Variants in KIRREL3 observed in about 807,000 individuals in gnomAD.
The protein encoded by KIRREL3 is kirre like nephrin family adhesion molecule 3, also known as kin of IRRE-like protein 3.
KIRREL3 carries 36 observed loss-of-function variants against 89.7 expected under a neutral mutation model. The ratio of observed to expected loss-of-function variants is 0.40; its 90% CI spans 0.31 to 0.53. The LOEUF (loss-of-function observed/expected upper bound fraction) is 0.53. KIRREL3 is among the 20% of genes least tolerant of loss of function. The pLI, the probability that KIRREL3 is intolerant of heterozygous loss-of-function variation, is 0.49. For missense variants in KIRREL3, 864 were observed against 1,056.6 expected (o/e 0.82, Z 2.53); for synonymous variants, 445 against 441.4 (o/e 1.01, Z -0.10).
In KIRREL3 at chr11:126,696,909, T is replaced by C. The variant is rs1947121081; in HGVS notation, c.56-133997A>G. Among the ~76,000 whole-genome samples the C allele has an allele frequency of 6.6e-6, 1 of 152,140 alleles. No homozygotes were observed. The highest frequency in any genetic ancestry group is 2.1e-4 in the South Asian group (1 of 4,824). Reference sequence around the variant, plus strand: ...ATTATCTTCCCTTTCTGAGTCTCAGTTTCTTCATCTGTATTAATGGAGATG... The same window carrying C: ...ATTATCTTCCCTTTCTGAGTCTCAGCTTCTTCATCTGTATTAATGGAGATG... On this transcript the variant is annotated intron_variant, in intron 1 of 16. Transcript: ENST00000525144. The surrounding 1 kb of genome is among the most constrained non-coding windows in gnomAD (Gnocchi z 4.4).
intron 1 of KIRREL3, among the ~76,000 whole-genome samples, chr11:126,881,482 A>C (rs1945493007): frequency 6.6e-6 from 1 of 152,232 alleles, no homozygotes; most frequent in Non-Finnish European, 1.5e-5. Context: ...AGGAAGTCCC[A>C]GCCTAGATCT....
chr11:126,779,634 C>G (rs1208630593), intron 1 of KIRREL3, among the ~76,000 whole-genome samples: 1 of 152,102 alleles, frequency 6.6e-6, no homozygotes, highest in Non-Finnish European at 1.5e-5. Flanking sequence ...AGTCTCAACA[C>G]CTGGCGTCAA....
rs1440311103 is a variant in KIRREL3, at chr11:126,999,374, G to T, written c.55+1081C>A. Among the ~76,000 whole-genome samples the T allele has an allele frequency of 1.3e-5, 2 of 152,232 alleles. No individual in the cohort carries two copies. The highest frequency in any genetic ancestry group is 2.9e-5 in the Non-Finnish European group (2 of 68,040). On this transcript the variant is annotated intron_variant, in intron 1 of 16. Transcript: ENST00000525144. The surrounding 1 kb of genome is among the most constrained non-coding windows in gnomAD (Gnocchi z 5.7). ...TATTTGGCTTCTCCCCGACAGGGGA[G>T]AAACAGAAGACATGCTGTTTGCTTG...
At chr11:126,926,172 A>G (rs1403616333) in intron 1 of KIRREL3, among the ~76,000 whole-genome samples, 1 of 152,206 alleles carries the variant, frequency 6.6e-6, no homozygotes, top group African/African-American at 2.4e-5. Flanking sequence ...GCCTGGCAAC[A>G]AAGGACAGGT....
Position 126,778,139 on chromosome 11 carries a change from T to C in KIRREL3, c.56-215227A>G, listed in dbSNP as rs1950222994. Among the ~76,000 whole-genome samples, 1 of 152,082 alleles carries C rather than the reference T, an allele frequency of 6.6e-6. No individual in the cohort carries two copies. The highest frequency in any genetic ancestry group is 2.1e-4 in the South Asian group (1 of 4,822). On this transcript the variant is annotated intron_variant, in intron 1 of 16. Coordinates refer to ENST00000525144, the MANE Select transcript of KIRREL3 (RefSeq NM_032531.4). This position sits in a 1 kb window ranked among gnomAD's most constrained non-coding sequence, Gnocchi z 4.5. Reference sequence around the variant, plus strand: ...ACCTCCCCACCCAGAGATAAATACATTTAACATTTCAGTGGATATCCTACA... The same window carrying C: ...ACCTCCCCACCCAGAGATAAATACACTTAACATTTCAGTGGATATCCTACA...
In KIRREL3 at chr11:126,719,557, G is replaced by A. The variant is rs531239742; in HGVS notation, c.56-156645C>T. Among the ~76,000 whole-genome samples, 1 of 152,090 alleles carries A rather than the reference G, an allele frequency of 6.6e-6. No individual in the cohort carries two copies. The highest frequency in any genetic ancestry group is 2.1e-4 in the South Asian group (1 of 4,812). On this transcript the variant is annotated intron_variant, in intron 1 of 16. Coordinates refer to ENST00000525144, the MANE Select transcript of KIRREL3 (RefSeq NM_032531.4). The surrounding 1 kb of genome is among the most constrained non-coding windows in gnomAD (Gnocchi z 4.7). ...GCATTTCCATTTGAACATCTCTTAG[G>A]TTTCTAAAATGTAACTCATCCACAG...
intron 7 of KIRREL3, 89 bp from the exon 8 acceptor site, chr11:126,449,246 G>A: frequency 6.8e-7 from 1 of 1,469,922 alleles, no homozygotes; most frequent in Non-Finnish European, 9.3e-7. Flanking sequence ...GGAAAAATGA[G>A]GCCTGGGTTG....
intron 1 of KIRREL3, among the ~76,000 whole-genome samples, chr11:126,894,542 C>CAA (rs10630231): frequency 0.024 from 425 of 17,440 alleles, 61 homozygotes; most frequent in African/African-American, 0.07. Flanking sequence ...GACCTCATCT[C>CAA]AAAAAAAAAA....
intron 4 of KIRREL3, among the ~76,000 whole-genome samples, chr11:126,473,940 C>T (rs1255302885): frequency 1.3e-5 from 2 of 151,208 alleles, no homozygotes; most frequent in African/African-American, 4.9e-5. Context: ...ACTACAAGCA[C>T]GTGGTACCAT....
Position 126,574,360 on chromosome 11 carries a change from C to G in KIRREL3, c.56-11448G>C, listed in dbSNP as rs1382425224. ...GGTGGCCCAGCAACAAAAATCAAAG[C>G]TCTTTTCTTCTCTTTAATGATAACC... is the stretch of plus-strand genomic sequence containing the variant. On this transcript the variant is annotated intron_variant, in intron 1 of 16. Coordinates refer to ENST00000525144, the MANE Select transcript of KIRREL3 (RefSeq NM_032531.4). This position sits in a 1 kb window ranked among gnomAD's most constrained non-coding sequence, Gnocchi z 5.3. Among the ~76,000 whole-genome samples the G allele has an allele frequency of 6.6e-6, 1 of 152,116 alleles. No individual in the cohort carries two copies. The highest frequency in any genetic ancestry group is 1.5e-5 in the Non-Finnish European group (1 of 68,016).
Position 126,612,195 on chromosome 11 carries a change from C to T in KIRREL3, c.56-49283G>A, listed in dbSNP as rs1254614018. Among the ~76,000 whole-genome samples the T allele has an allele frequency of 6.6e-6, 1 of 152,138 alleles. No homozygotes were observed. ...GAACACCCCTGGCATATAATAAGTG[C>T]TCCCTCAGAATTTGAGTATTATATG... On this transcript the variant is annotated intron_variant, in intron 1 of 16. Coordinates refer to ENST00000525144, the MANE Select transcript of KIRREL3 (RefSeq NM_032531.4). The surrounding 1 kb of genome is among the most constrained non-coding windows in gnomAD (Gnocchi z 4.5).
chr11:126,609,081 A>T lies in KIRREL3; in HGVS notation c.56-46169T>A, dbSNP rs1443287546. ...GGAGACAGGGCTAAAGTTACTGCCC[A>T]CTCAACTCTGCATGGAATTGTGCTG... On this transcript the variant is annotated intron_variant, in intron 1 of 16. Transcript: ENST00000525144. This position sits in a 1 kb window ranked among gnomAD's most constrained non-coding sequence, Gnocchi z 5.0. Among the ~76,000 whole-genome samples the T allele has an allele frequency of 6.6e-6, 1 of 152,170 alleles. No homozygotes were observed. The highest frequency in any genetic ancestry group is 1.5e-5 in the Non-Finnish European group (1 of 68,028).
rs1947732855 is a variant in KIRREL3, at chr11:126,710,983, G to C, written c.56-148071C>G. On this transcript the variant is annotated intron_variant, in intron 1 of 16. Transcript: ENST00000525144. The surrounding 1 kb of genome is among the most constrained non-coding windows in gnomAD (Gnocchi z 4.2). ...CTGCTGGGACGGCCAAGGGCAGCTA[G>C]GTTTCAGGTGTCCCCTCCTTGGGGC... is the stretch of plus-strand genomic sequence containing the variant. Among the ~76,000 whole-genome samples the C allele has an allele frequency of 6.6e-6, 1 of 152,196 alleles. No homozygotes were observed. The highest frequency in any genetic ancestry group is 2.4e-5 in the African/African-American group (1 of 41,442).
chr11:126,873,482 G>A (rs1592260276), intron 1 of KIRREL3, among the ~76,000 whole-genome samples: 1 of 152,204 alleles, frequency 6.6e-6, no homozygotes, highest in East Asian at 1.9e-4. Context: ...TTTGCTGGCT[G>A]CAGGAAAGTA....
rs559081509 is a variant in KIRREL3, at chr11:126,456,735, A to G, written c.743-281T>C. Among the ~76,000 whole-genome samples, 360 of 152,308 alleles carry G rather than the reference A, an allele frequency of 2.4e-3. 2 individuals are homozygous for G. Among genetic ancestry groups the G allele is most frequent in the African/African-American group, 8.2e-3 (342 of 41,568 alleles). On this transcript the variant is annotated intron_variant, in intron 6 of 16. Coordinates refer to ENST00000525144, the MANE Select transcript of KIRREL3 (RefSeq NM_032531.4). ...GGGCCCAGGGGTTTCCCATCCTCCA[A>G]CTTTTGGGCGGAACAAAATAATCTA...
rs1425938372 is a variant in KIRREL3 at position 126,474,570 on chromosome 11, C to T, written c.434-1104G>A. ...CTCACTCCTCCAGAGCGGCTCCAGC[C>T]CCTTCATCCCCAGAGGCAGCCTGAT... On this transcript the variant is annotated intron_variant, in intron 4 of 16. Transcript: ENST00000525144. The surrounding 1 kb of genome is among the most constrained non-coding windows in gnomAD (Gnocchi z 6.7). 6.6e-6 allele frequency among the ~76,000 whole-genome samples: 1 copy of T among 152,242 alleles called. No homozygotes were observed. Among genetic ancestry groups the T allele is most frequent in the Non-Finnish European group, 1.5e-5 (1 of 68,050 alleles).
intron 13 of KIRREL3, among the ~76,000 whole-genome samples, chr11:126,435,007 A>T (rs1271821847): frequency 6.6e-6 from 1 of 152,090 alleles, no homozygotes; most frequent in Non-Finnish European, 1.5e-5. Flanking sequence ...AGCGGGGACG[A>T]GCAAGAGCCA....
rs1547901 is a variant in KIRREL3, at chr11:126,883,610, T to C, written c.55+116845A>G. ...AGAATGCTCCAGGAAGAATGTATTG[T>C]TCTTACGTCAGCACTCCCATAAAAC... On this transcript the variant is annotated intron_variant, in intron 1 of 16. Coordinates refer to ENST00000525144, the MANE Select transcript of KIRREL3 (RefSeq NM_032531.4). This position sits in a 1 kb window ranked among gnomAD's most constrained non-coding sequence, Gnocchi z 4.1. Among the ~76,000 whole-genome samples, 93,635 of 151,880 alleles carry C rather than the reference T, an allele frequency of 0.62. 30,390 individuals are homozygous for C. Among genetic ancestry groups the C allele is most frequent in the African/African-American group, 0.82 (34,089 of 41,448 alleles).
At chr11:126,706,610 T>C (rs1947537249) in intron 1 of KIRREL3, among the ~76,000 whole-genome samples, 2 of 152,250 alleles carry the variant, frequency 1.3e-5, no homozygotes, top group Non-Finnish European at 2.9e-5. Context: ...ATGTGCCTGA[T>C]TCCCCACTTC....
Sources: allele counts gnomAD v4.1 joint callset (sites outside exome capture counted in the v4.1 genomes callset), GRCh38; gene constraint gnomAD v4.1.1; non-coding constraint Gnocchi (gnomAD v3.1); transcripts MANE v1.5; gene names NCBI Gene and HGNC (gene_info 2026-07-23, HGNC 2026-07-21).